The following AIG1 variants were observed in gnomAD, a reference collection of about 807,000 sequenced individuals.
AIG1 encodes androgen-induced gene 1 protein.
In AIG1, 23 loss-of-function variants were observed where a neutral mutation model predicts 31.4. The observed-to-expected ratio is 0.73, with a 90% CI of 0.53 to 1.04. The LOEUF (loss-of-function observed/expected upper bound fraction) is 1.04. Ranked by LOEUF, AIG1 falls within the 50% of genes least tolerant of loss-of-function variation. AIG1 has a pLI of 0.00. For missense variants in AIG1, 274 were observed against 295.0 expected (o/e 0.93, Z 0.52); for synonymous variants, 100 against 110.5 (o/e 0.90, Z 0.60).
At chr6:143,093,398 A>G (rs937695980) in intron 1 of AIG1, among the ~76,000 whole-genome samples, 1 of 152,142 alleles carries the variant, frequency 6.6e-6, no homozygotes, top group African/African-American at 2.4e-5. Context: ...AGAATTGAAG[A>G]GAGTTAGGAC....
At chr6:143,245,830 A>C (rs1444795214) in intron 3 of AIG1, among the ~76,000 whole-genome samples, 1 of 152,152 alleles carries the variant, frequency 6.6e-6, no homozygotes. Context: ...GTATTTTATG[A>C]GGCGGTATAG....
intron 3 of AIG1, among the ~76,000 whole-genome samples, chr6:143,166,038 A>G (rs1229192300): frequency 6.6e-6 from 1 of 152,172 alleles, no homozygotes; most frequent in Admixed American, 6.5e-5. Flanking sequence ...GGGAAGGAAG[A>G]GCTGGAAATC....
At position 143,288,345 on chromosome 6, in the gene AIG1, A is replaced by T. The variant is rs565028442; in HGVS notation, c.515+4120A>T. On this transcript the variant is annotated intron_variant, in intron 4 of 5. Coordinates refer to ENST00000357847, the MANE Select transcript of AIG1 (RefSeq NM_016108.4). The surrounding 1 kb of genome is among the most constrained non-coding windows in gnomAD (Gnocchi z 4.4). Reference sequence around the variant, plus strand: ...CCCTCCTTCAGGGGTTTCTCATTCAATCAGAGCCCATGTGAGATCTCAGAA... The same window carrying T: ...CCCTCCTTCAGGGGTTTCTCATTCATTCAGAGCCCATGTGAGATCTCAGAA... 2.4e-4 allele frequency among the ~76,000 whole-genome samples: 36 copies of T among 152,332 alleles called. No homozygotes were observed. The highest frequency in any genetic ancestry group is 4.1e-4 in the Non-Finnish European group (28 of 68,032).
intron 2 of AIG1, among the ~76,000 whole-genome samples, chr6:143,153,108 T>C (rs1371242435): frequency 6.6e-6 from 1 of 152,110 alleles, no homozygotes; most frequent in Non-Finnish European, 1.5e-5. Flanking sequence ...CCATGCAAGC[T>C]GGCATTCTGG....
intron 3 of AIG1, among the ~76,000 whole-genome samples, chr6:143,173,808 A>G (rs1034189592): frequency 6.6e-6 from 1 of 152,206 alleles, no homozygotes; most frequent in African/African-American, 2.4e-5. Context: ...GGCCTATCAC[A>G]TGGTCTATCT....
At chr6:143,189,862 T>A (rs1463599936) in intron 3 of AIG1, 2 of 927,590 alleles carry the variant, frequency 2.2e-6, no homozygotes, top group South Asian at 1.0e-4. Flanking sequence ...AATAGCACAA[T>A]TGGGTGGCTT....
chr6:143,220,449 A>C (rs983838606), intron 3 of AIG1, among the ~76,000 whole-genome samples: 1 of 152,186 alleles, frequency 6.6e-6, no homozygotes, highest in Non-Finnish European at 1.5e-5. Context: ...CTTGTGAATG[A>C]AAGAATGAAC....
At chr6:143,134,184 C>G (rs1024157787) in intron 1 of AIG1, among the ~76,000 whole-genome samples, 3 of 151,932 alleles carry the variant, frequency 2.0e-5, no homozygotes, top group Non-Finnish European at 4.4e-5. Flanking sequence ...AAATAACCAA[C>G]TTAAGAAATA....
In AIG1 at chr6:143,330,894, C is replaced by T. The variant is rs1777020477; in HGVS notation, c.516-2388C>T. ...AAACTGCTTCTAATTTATGGACAAA[C>T]AATATGATATCTCAGAATCCCACAG... On this transcript the variant is annotated intron_variant, in intron 4 of 5. Coordinates refer to ENST00000357847, the MANE Select transcript of AIG1 (RefSeq NM_016108.4). This position sits in a 1 kb window ranked among gnomAD's most constrained non-coding sequence, Gnocchi z 4.4. 6.6e-6 allele frequency among the ~76,000 whole-genome samples: 1 copy of T among 152,212 alleles called. No individual in the cohort carries two copies. Among genetic ancestry groups the T allele is most frequent in the Non-Finnish European group, 1.5e-5 (1 of 68,040 alleles).
At chr6:143,261,193 G>A (rs185782409) in intron 3 of AIG1, among the ~76,000 whole-genome samples, 39 of 152,160 alleles carry the variant, frequency 2.6e-4, no homozygotes, top group African/African-American at 8.2e-4. Flanking sequence ...GTGCAGCGGC[G>A]CGATCTCAGC....
chr6:143,086,052 T>G (rs1316011687), intron 1 of AIG1, among the ~76,000 whole-genome samples: 4 of 152,262 alleles, frequency 2.6e-5, no homozygotes, highest in African/African-American at 9.6e-5. Context: ...TGAGGTGTGC[T>G]CACAATGAGG....
intron 1 of AIG1, among the ~76,000 whole-genome samples, chr6:143,109,328 A>G (rs1192456723): frequency 2.6e-5 from 4 of 152,172 alleles, no homozygotes; most frequent in Admixed American, 1.3e-4. Context: ...TAATGCTTCT[A>G]TGAACGTGCT....
chr6:143,120,993 A>G (rs1782192073), intron 1 of AIG1, among the ~76,000 whole-genome samples: 1 of 152,376 alleles, frequency 6.6e-6, no homozygotes, highest in Non-Finnish European at 1.5e-5. Context: ...CCTTAAGGAC[A>G]TGCTCCTGCT....
At chr6:143,109,065 A>T (rs555680941) in intron 1 of AIG1, among the ~76,000 whole-genome samples, 1 of 152,226 alleles carries the variant, frequency 6.6e-6, no homozygotes, top group East Asian at 1.9e-4. Flanking sequence ...ACAGATTTCC[A>T]TAGAAATTCC....
At chr6:143,301,613 A>G (rs1339385985) in intron 4 of AIG1, among the ~76,000 whole-genome samples, 1 of 152,230 alleles carries the variant, frequency 6.6e-6, no homozygotes, top group Non-Finnish European at 1.5e-5. Context: ...TGGCGGCAGC[A>G]AGAAGTACAG....
Position 143,327,439 on chromosome 6 carries a change from G to A in AIG1, c.516-5843G>A, listed in dbSNP as rs2128719972. 5.4e-6 allele frequency: 2 copies of A among 370,910 alleles called. No homozygotes were observed. The highest frequency in any genetic ancestry group is 8.3e-5 in the East Asian group (1 of 12,088). The allele number at this position is 370,910 out of a possible 1,614,324, so 23.0% of individuals were successfully genotyped here. On this transcript the variant is annotated intron_variant, in intron 4 of 5. Coordinates refer to ENST00000357847, the MANE Select transcript of AIG1 (RefSeq NM_016108.4). This position sits in a 1 kb window ranked among gnomAD's most constrained non-coding sequence, Gnocchi z 5.3. ...TCAAAGAGATCTGGAAATTTGCCACGAAGGAGATGGGAACTCCAGATTTGC... is the reference window on the plus strand; with the variant it reads ...TCAAAGAGATCTGGAAATTTGCCACAAAGGAGATGGGAACTCCAGATTTGC...
At chr6:143,242,268 T>C (rs370441756) in intron 3 of AIG1, among the ~76,000 whole-genome samples, 1 of 152,044 alleles carries the variant, frequency 6.6e-6, no homozygotes, top group Admixed American at 6.5e-5. Context: ...AGTGGCAGGG[T>C]TGCTGTGTAA....
chr6:143,185,752 C>T (rs887115709), intron 3 of AIG1, among the ~76,000 whole-genome samples: 1 of 152,074 alleles, frequency 6.6e-6, no homozygotes, highest in Non-Finnish European at 1.5e-5. Context: ...TAATAGGTCT[C>T]AAAAATGTTC....
downstream of AIG1, chr6:143,343,086 G>C (rs138274240): frequency 9.8e-4 from 758 of 776,670 alleles, 3 homozygotes; most frequent in African/African-American, 0.012. Context: ...GCGCCATCAT[G>C]ATGATCCTCG....
Sources: allele counts gnomAD v4.1 joint callset (sites outside exome capture counted in the v4.1 genomes callset), GRCh38; gene constraint gnomAD v4.1.1; non-coding constraint Gnocchi (gnomAD v3.1); transcripts MANE v1.5; gene names NCBI Gene and HGNC (gene_info 2026-07-23, HGNC 2026-07-21).